WDR64: variants seen among roughly 807,000 people sequenced by gnomAD.
The protein encoded by WDR64 is WD repeat domain 64.
WDR64 carries 112 observed loss-of-function variants against 139.3 expected under a neutral mutation model. The ratio of observed to expected loss-of-function variants is 0.80; its 90% CI spans 0.69 to 0.94. The LOEUF is 0.94. WDR64 is among the 40% of genes least tolerant of loss of function. The pLI is 0.00. For missense variants in WDR64, 1,206 were observed against 1,293.1 expected, an observed-to-expected ratio of 0.93 and a Z score of 1.03; for synonymous variants, 444 against 437.7, an observed-to-expected ratio of 1.01 and a Z score of -0.18.
chr1:241,732,845 A>C (rs1159083653), intron 10 of WDR64, among the ~76,000 whole-genome samples: 1 of 151,968 alleles, frequency 6.6e-6, no homozygotes, highest in Admixed American at 6.6e-5. Flanking sequence ...AAACAAAAAA[A>C]CAAAAAACAA....
At chr1:241,663,185 A>C (rs1401657594) in intron 2 of WDR64, among the ~76,000 whole-genome samples, 2 of 152,254 alleles carry the variant, frequency 1.3e-5, no homozygotes, top group Non-Finnish European at 2.9e-5. Flanking sequence ...AGACAGCAGA[A>C]TAATAATTGA....
rs67336689 is a variant in WDR64 at position 241,787,198 on chromosome 1, C to CA, written c.2706-635dup. Among the ~76,000 whole-genome samples the CA allele has an allele frequency of 2.8e-3, 356 of 128,242 alleles. 1 individual carries two copies. The highest frequency in any genetic ancestry group is 9.0e-3 in the African/African-American group (292 of 32,312). 84.1% of individuals were successfully genotyped at this position (128,242 alleles called of 152,430 possible). A position where few individuals can be genotyped will look rare whatever the true frequency, so the allele number is the denominator to read the frequency against. The stretch of plus-strand genomic sequence containing the variant: ...TGAAACCCCATCTCTACTAAAAATA[C>CA]AAAAAAAAAAAAAAAAGTAGCTGGG... On this transcript the variant is annotated intron_variant, in intron 23 of 27. Transcript: ENST00000437684.
chr1:241,718,398 G>C (rs1668481417), intron 9 of WDR64, among the ~76,000 whole-genome samples: 1 of 152,182 alleles, frequency 6.6e-6, no homozygotes, highest in Admixed American at 6.5e-5. Flanking sequence ...GTAAACCTGG[G>C]TCTTCTGAAA....
chr1:241,740,912 A>G (rs934689662), intron 11 of WDR64, among the ~76,000 whole-genome samples: 3 of 152,226 alleles, frequency 2.0e-5, no homozygotes, highest in Non-Finnish European at 4.4e-5. Flanking sequence ...CATACTTAGA[A>G]AAATGCAAGT....
intron 20 of WDR64, among the ~76,000 whole-genome samples, chr1:241,773,475 T>C (rs1262386632): frequency 6.6e-6 from 1 of 152,234 alleles, no homozygotes; most frequent in East Asian, 1.9e-4. Context: ...GTTGTTTGTT[T>C]GTTTGTTTTT....
At chr1:241,723,794 CAA>C (rs10718281) in intron 10 of WDR64, among the ~76,000 whole-genome samples, 17 of 151,326 alleles carry the variant, frequency 1.1e-4, no homozygotes, top group Non-Finnish European at 2.2e-4. Context: ...TGTAATAAAA[CAA>C]AAAAAAAGTT....
Position 241,674,723 on chromosome 1 carries a change from A to T in WDR64, c.459A>T (p.Gly153=). 1 of 1,547,726 alleles carries T rather than the reference A, an allele frequency of 6.5e-7. No homozygotes were observed. The change falls in exon 4 of 28, where the codon GGA becomes GGT. Residue 153 remains glycine, a synonymous_variant. Coordinates refer to ENST00000437684, the MANE Select transcript of WDR64 (RefSeq NM_001367482.1). ...LDLLITATQK[G]LITVFNNQMR... ...TACTAATAACAGCTACTCAGAAAGG[A>T]TTAATAACAGTTTTTAATAACCAGG...
intron 9 of WDR64, among the ~76,000 whole-genome samples, chr1:241,717,146 A>G (rs1668435154): frequency 6.6e-6 from 1 of 152,180 alleles, no homozygotes; most frequent in Non-Finnish European, 1.5e-5. Flanking sequence ...TGCAGTCAAG[A>G]TACTGCATTA....
intron 12 of WDR64, among the ~76,000 whole-genome samples, chr1:241,744,084 T>G (rs1041225249): frequency 3.3e-5 from 5 of 152,214 alleles, no homozygotes; most frequent in Non-Finnish European, 7.3e-5. Flanking sequence ...GAGCTTGCAA[T>G]TGTTCCATTT....
At chr1:241,778,752 T>C (rs1658748241) in intron 21 of WDR64, among the ~76,000 whole-genome samples, 1 of 152,154 alleles carries the variant, frequency 6.6e-6, no homozygotes, top group East Asian at 1.9e-4. Flanking sequence ...TATTTTCAAG[T>C]AATATTATGC....
intron 15 of WDR64, among the ~76,000 whole-genome samples, chr1:241,762,653 CT>C (rs1657972921): frequency 6.6e-6 from 1 of 151,988 alleles, no homozygotes; most frequent in Admixed American, 6.6e-5. Context: ...TGGAAGAAAA[CT>C]GCAAGTTACA....
At chr1:241,748,938 T>TAA (rs200155046) in intron 13 of WDR64, among the ~76,000 whole-genome samples, 4 of 133,886 alleles carry the variant, frequency 3.0e-5, no homozygotes, top group Non-Finnish European at 6.5e-5. Context: ...ACTCTTGTCT[T>TAA]AAAAAAAAAA....
intron 24 of WDR64, among the ~76,000 whole-genome samples, chr1:241,789,226 C>T (rs1280550755): frequency 6.6e-6 from 1 of 152,092 alleles, no homozygotes; most frequent in Non-Finnish European, 1.5e-5. Context: ...GACACGTGCT[C>T]ATGTTATGTT....
At chr1:241,786,778 C>T (rs1659053460) in intron 23 of WDR64, among the ~76,000 whole-genome samples, 1 of 152,082 alleles carries the variant, frequency 6.6e-6, no homozygotes, top group Non-Finnish European at 1.5e-5. Flanking sequence ...TTCTGATTAG[C>T]TTGAACGGGC....
chr1:241,697,100 A>C (rs747021774), intron 8 of WDR64, among the ~76,000 whole-genome samples: 1 of 152,150 alleles, frequency 6.6e-6, no homozygotes, highest in Non-Finnish European at 1.5e-5. Flanking sequence ...TGCTCACTGC[A>C]TCTGATTGCA....
At chr1:241,682,551 C>A (rs149707430) in intron 6 of WDR64, among the ~76,000 whole-genome samples, 3,507 of 152,328 alleles carry the variant, frequency 0.023, 81 homozygotes, top group South Asian at 0.081. Context: ...AGTTTGAAAT[C>A]AGATAGTGTG....
chr1:241,668,562 C>T (rs1573990895), intron 2 of WDR64, among the ~76,000 whole-genome samples: 1 of 152,168 alleles, frequency 6.6e-6, no homozygotes, highest in Non-Finnish European at 1.5e-5. Flanking sequence ...GAAGTGCCCA[C>T]CTGACTAATC....
intron 22 of WDR64, 135 bp from the exon 23 acceptor site, chr1:241,783,137 G>A: frequency 1.4e-6 from 1 of 718,304 alleles, no homozygotes; most frequent in South Asian, 1.8e-5. Context: ...TTGGGGGCAA[G>A]GACTTAATCA....
At chr1:241,726,691 A>C (rs1044313760) in intron 10 of WDR64, among the ~76,000 whole-genome samples, 2 of 152,162 alleles carry the variant, frequency 1.3e-5, no homozygotes, top group Non-Finnish European at 2.9e-5. Context: ...ATAATATATA[A>C]AATACAATAA....
Sources: allele counts gnomAD v4.1 joint callset (sites outside exome capture counted in the v4.1 genomes callset), GRCh38; gene constraint gnomAD v4.1.1; transcripts MANE v1.5; gene names NCBI Gene and HGNC (gene_info 2026-07-23, HGNC 2026-07-21).